DLG2: variants seen among roughly 807,000 people sequenced by gnomAD.
DLG2 encodes disks large homolog 2.
In DLG2, 45 loss-of-function variants were observed where a neutral mutation model predicts 132.5. The observed-to-expected ratio is 0.34, with a 90% CI of 0.27 to 0.44. The LOEUF is 0.44. DLG2 is among the 20% of genes least tolerant of loss of function. The pLI, the probability that DLG2 is intolerant of heterozygous loss-of-function variation, is 1.00. For synonymous variants in DLG2, 424 were observed against 419.6 expected, an observed-to-expected ratio of 1.01 and a Z score of -0.13; for missense variants, 1,045 against 1,196.9, an observed-to-expected ratio of 0.87 and a Z score of 1.87.
At chr11:84,929,826 C>G (rs1053520828) in intron 6 of DLG2, among the ~76,000 whole-genome samples, 1 of 152,026 alleles carries the variant, frequency 6.6e-6, no homozygotes, top group Non-Finnish European at 1.5e-5. Flanking sequence ...GAGGGTAGTA[C>G]TGGCCTTAAT....
At chr11:84,562,006 A>G (rs1289004504) in intron 6 of DLG2, among the ~76,000 whole-genome samples, 2 of 152,162 alleles carry the variant, frequency 1.3e-5, no homozygotes, top group African/African-American at 4.8e-5. Context: ...CATGTAATCC[A>G]TAAATACATA....
chr11:84,294,751 T>C (rs2098064993), intron 7 of DLG2, among the ~76,000 whole-genome samples: 1 of 152,172 alleles, frequency 6.6e-6, no homozygotes, highest in South Asian at 2.1e-4. Context: ...AATCTGTCCT[T>C]TGGATAGAAC....
At chr11:84,509,977 A>C (rs2099252620) in intron 7 of DLG2, among the ~76,000 whole-genome samples, 1 of 151,792 alleles carries the variant, frequency 6.6e-6, no homozygotes, top group Non-Finnish European at 1.5e-5. Flanking sequence ...GAAGCACACC[A>C]AATTCAAAGC....
intron 8 of DLG2, among the ~76,000 whole-genome samples, chr11:84,178,579 C>T (rs902014218): frequency 6.6e-6 from 1 of 152,102 alleles, no homozygotes; most frequent in Admixed American, 6.6e-5. Flanking sequence ...TGAATGTAAA[C>T]ACATTCCCTG....
At chr11:85,176,576 C>T (rs1001732203) in intron 4 of DLG2, among the ~76,000 whole-genome samples, 2 of 152,024 alleles carry the variant, frequency 1.3e-5, no homozygotes, top group Non-Finnish European at 2.9e-5. Context: ...AATAAAAATG[C>T]CAAAAGCAAT....
At chr11:84,716,443 A>C (rs1483575222) in intron 6 of DLG2, among the ~76,000 whole-genome samples, 1 of 152,064 alleles carries the variant, frequency 6.6e-6, no homozygotes, top group African/African-American at 2.4e-5. Flanking sequence ...ACACACATGG[A>C]CTGTGGACCT....
At chr11:84,240,394 A>G (rs1397487698) in intron 8 of DLG2, among the ~76,000 whole-genome samples, 1 of 152,248 alleles carries the variant, frequency 6.6e-6, no homozygotes, top group Non-Finnish European at 1.5e-5. Context: ...TGTCTCCTAA[A>G]GAATACAATA....
intron 6 of DLG2, among the ~76,000 whole-genome samples, chr11:84,999,023 A>T (rs2057962980): frequency 6.6e-6 from 1 of 151,808 alleles, no homozygotes; most frequent in Middle Eastern, 3.2e-3. Flanking sequence ...GAGAGTGCAG[A>T]GTTCTTGCAT....
intron 7 of DLG2, among the ~76,000 whole-genome samples, chr11:84,363,667 C>T (rs2098664479): frequency 6.6e-6 from 1 of 151,672 alleles, no homozygotes; most frequent in Non-Finnish European, 1.5e-5. Context: ...GTCTTTAATC[C>T]ATCTTGAACT....
At chr11:83,802,443 C>A (rs1013875242) in intron 17 of DLG2, among the ~76,000 whole-genome samples, 3 of 152,074 alleles carry the variant, frequency 2.0e-5, no homozygotes, top group Admixed American at 2.0e-4. Flanking sequence ...GATCCTTTCT[C>A]TGGTGGATGG....
chr11:84,709,771 C>T (rs1053741912), intron 6 of DLG2, among the ~76,000 whole-genome samples: 1 of 151,886 alleles, frequency 6.6e-6, no homozygotes, highest in Non-Finnish European at 1.5e-5. Context: ...GAAGGCACAC[C>T]TTCAATGCCC....
intron 24 of DLG2, 41 bp from the exon 25 acceptor site, chr11:83,469,414 A>G: frequency 6.5e-7 from 1 of 1,534,432 alleles, no homozygotes; most frequent in Non-Finnish European, 8.9e-7. Context: ...GTGCATTTAT[A>G]CCCATAAACT....
At chr11:84,332,171 A>G (rs145521509) in intron 7 of DLG2, among the ~76,000 whole-genome samples, 1,934 of 151,648 alleles carry the variant, frequency 0.013, 18 homozygotes, top group Middle Eastern at 0.024. Context: ...TCTTGTCTAC[A>G]ACTTCCAATT....
At chr11:85,445,831 T>C (rs1330670645) in intron 3 of DLG2, among the ~76,000 whole-genome samples, 1 of 152,000 alleles carries the variant, frequency 6.6e-6, no homozygotes, top group Admixed American at 6.5e-5. Flanking sequence ...GTGGGCACTC[T>C]ATAAAAATTT....
chr11:84,874,790 G>T (rs1296263965), intron 6 of DLG2, among the ~76,000 whole-genome samples: 2 of 152,036 alleles, frequency 1.3e-5, no homozygotes, highest in African/African-American at 4.8e-5. Flanking sequence ...GGAGGCCGAG[G>T]CGAGCTGATT....
intron 7 of DLG2, among the ~76,000 whole-genome samples, chr11:84,265,696 A>G (rs1445667125): frequency 6.6e-6 from 1 of 151,286 alleles, no homozygotes; most frequent in Admixed American, 6.7e-5. Context: ...GAAGATAGGT[A>G]GTAGTAGTAG....
At chr11:83,801,387 T>G (rs976893404) in intron 17 of DLG2, among the ~76,000 whole-genome samples, 4 of 152,206 alleles carry the variant, frequency 2.6e-5, no homozygotes, top group African/African-American at 7.2e-5. Context: ...TGCTAAAATC[T>G]TTCTTTTGGC....
intron 6 of DLG2, among the ~76,000 whole-genome samples, chr11:85,008,975 C>A (rs2058926345): frequency 6.6e-6 from 1 of 151,786 alleles, no homozygotes; most frequent in South Asian, 2.1e-4. Flanking sequence ...GAGGTTAGTT[C>A]CATGAAAATA....
chr11:84,131,947 GT>G (rs368579151), intron 9 of DLG2, among the ~76,000 whole-genome samples: 85 of 146,874 alleles, frequency 5.8e-4, no homozygotes, highest in East Asian at 9.9e-4. Context: ...TCTACTTATT[GT>G]TTTTTTTTTG....
Sources: allele counts gnomAD v4.1 joint callset (sites outside exome capture counted in the v4.1 genomes callset), GRCh38; gene constraint gnomAD v4.1.1; transcripts MANE v1.5; gene names NCBI Gene and HGNC (gene_info 2026-07-23, HGNC 2026-07-21).